The following KLHL25 variants were observed in gnomAD, a reference collection of about 807,000 sequenced individuals.
KLHL25 encodes kelch like family member 25, also known as kelch-like protein 25.
In KLHL25, 41 loss-of-function variants were observed where a neutral mutation model predicts 30.0. The ratio of observed to expected loss-of-function variants is 1.37; its 90% CI spans 1.07 to 1.78. The LOEUF (loss-of-function observed/expected upper bound fraction) is 1.78, where lower values mean the gene tolerates loss of function less well. KLHL25 is among the 40% of genes most tolerant of loss of function. KLHL25 has a pLI of 0.00. For missense variants in KLHL25, 971 were observed against 824.5 expected (o/e 1.18, Z -2.18); for synonymous variants, 399 against 355.3 (o/e 1.12, Z -1.38).
chr15:85,786,419 G>A (rs2089781630), intron 1 of KLHL25, among the ~76,000 whole-genome samples: 1 of 152,216 alleles, frequency 6.6e-6, no homozygotes, highest in Admixed American at 6.5e-5. Flanking sequence ...CCCAGGCCAT[G>A]GTCAGCAGTT....
Position 85,769,761 on chromosome 15 carries a change from G to C in KLHL25, c.50C>G (p.Ser17Cys). ...CTTGTGGAAGAGGGTGACGTTCATG[G>C]ACCCCGTGCTGCTCCGCGACTTGCG... ...ETRKSRSSTG[S>C]MNVTLFHKAS... Residue 17 changes from serine (S) to cysteine (C), a missense_variant, in exon 2 of 3, where the codon TCC becomes TGC. By Grantham distance (112) the Ser-to-Cys change is moderately radical. Transcript: ENST00000337975. 6.2e-7 allele frequency: 1 copy of C among 1,613,338 alleles called. No individual in the cohort carries two copies. Among genetic ancestry groups the C allele is most frequent in the Non-Finnish European group, 8.5e-7 (1 of 1,180,014 alleles).
chr15:85,775,758 C>T (rs1350966055), intron 1 of KLHL25, among the ~76,000 whole-genome samples: 2 of 151,422 alleles, frequency 1.3e-5, no homozygotes, highest in African/African-American at 4.8e-5. Context: ...AGGTAGGATG[C>T]ACCAGCCACC....
intron 1 of KLHL25, among the ~76,000 whole-genome samples, chr15:85,790,012 T>A (rs2089806386): frequency 6.6e-6 from 1 of 152,070 alleles, no homozygotes; most frequent in African/African-American, 2.4e-5. Flanking sequence ...AAAAACTAGA[T>A]CCCAGAGAAA....
chr15:85,782,048 C>G (rs2089746850), intron 1 of KLHL25, among the ~76,000 whole-genome samples: 1 of 151,178 alleles, frequency 6.6e-6, no homozygotes, highest in Non-Finnish European at 1.5e-5. Flanking sequence ...CCTCATCCTT[C>G]TCCAAAAAAA....
rs760483012 is a variant in KLHL25, at chr15:85,768,451, T to C, written c.1360A>G (p.Ile454Val). 6 of 1,613,378 alleles carry C rather than the reference T, an allele frequency of 3.7e-6. No individual in the cohort carries two copies. The highest frequency in any genetic ancestry group is 3.4e-6 in the Non-Finnish European group (4 of 1,179,852). The part of the protein sequence containing the change: ...LKLFVFGGTS[I>V]HRDMVSKVQC... ...ACCTTGGACACCATGTCCCGGTGGA[T>C]GCTGGTTCCTCCGAAAACAAAGAGC... Residue 454 changes from isoleucine to valine, a missense_variant, in exon 2 of 3, where the codon ATC becomes GTC. Physicochemically the swap from Ile to Val is conservative, Grantham distance 29 (BLOSUM62 3). Coordinates refer to ENST00000337975, the MANE Select transcript of KLHL25 (RefSeq NM_022480.4).
intron 1 of KLHL25, among the ~76,000 whole-genome samples, chr15:85,786,289 C>A (rs766529718): frequency 2.0e-5 from 3 of 152,174 alleles, no homozygotes; most frequent in Non-Finnish European, 4.4e-5. Flanking sequence ...AAGCTTGGTT[C>A]TGAGTCATCT....
chr15:85,794,452 G>A (rs1208692054), intron 1 of KLHL25, among the ~76,000 whole-genome samples: 2 of 152,256 alleles, frequency 1.3e-5, no homozygotes, highest in African/African-American at 4.8e-5. Context: ...CGGACTCAAT[G>A]AATCAACCAC....
chr15:85,765,542 C>G (rs935262998), intron 2 of KLHL25, among the ~76,000 whole-genome samples: 39 of 150,802 alleles, frequency 2.6e-4, no homozygotes, highest in African/African-American at 9.5e-4. Flanking sequence ...AGGAGAATCG[C>G]TTGAACCCAG....
intron 1 of KLHL25, among the ~76,000 whole-genome samples, chr15:85,783,543 T>C (rs2089759001): frequency 1.3e-5 from 2 of 151,780 alleles, no homozygotes; most frequent in Non-Finnish European, 1.5e-5. Context: ...AATAGAAAAA[T>C]TAGACAGGCT....
intron 2 of KLHL25, among the ~76,000 whole-genome samples, chr15:85,766,016 G>A (rs576722039): frequency 6.6e-6 from 1 of 152,278 alleles, no homozygotes; most frequent in South Asian, 2.1e-4. Context: ...CTGAGTTAGA[G>A]GCTGAGCCAT....
chr15:85,790,075 C>T (rs1257776901), intron 1 of KLHL25, among the ~76,000 whole-genome samples: 2 of 152,304 alleles, frequency 1.3e-5, no homozygotes, highest in South Asian at 2.1e-4. Flanking sequence ...GGAACTAGAA[C>T]CCCATTCCTG....
At position 85,768,360 on chromosome 15, in the gene KLHL25, T is replaced by C; in HGVS notation, c.1451A>G (p.Tyr484Cys). The C allele has an allele frequency of 1.2e-6, 2 of 1,613,748 alleles. No homozygotes were observed. The highest frequency in any genetic ancestry group is 8.5e-7 in the Non-Finnish European group (1 of 1,180,038). The part of the protein sequence containing the change: ...IKAECPQPWR[Y>C]TAAAVLGSQI... The stretch of plus-strand genomic sequence containing the variant: ...GCTGCCCAGGACGGCAGCGGCTGTG[T>C]ACCGCCAAGGCTGGGGGCACTCGGC... Residue 484 changes from tyrosine (Y) to cysteine (C), a missense_variant, in exon 2 of 3, where the codon TAC becomes TGC. Transcript: ENST00000337975.
Position 85,784,712 on chromosome 15 carries a change from G to C in KLHL25, c.-11+10054C>G, listed in dbSNP as rs893994230. On this transcript the variant is annotated intron_variant, in intron 1 of 2. Coordinates refer to ENST00000337975, the MANE Select transcript of KLHL25 (RefSeq NM_022480.4). ...AAATGGGGACTGACCTCAGTCCTAC[G>C]ACCATAAGGAACTCGATTCTGCCAA... 2.6e-5 allele frequency among the ~76,000 whole-genome samples: 4 copies of C among 152,026 alleles called. 1 individual carries two copies. Among genetic ancestry groups the C allele is most frequent in the Non-Finnish European group, 5.9e-5 (4 of 68,016 alleles).
At chr15:85,764,967 G>C (rs942140366) in intron 2 of KLHL25, among the ~76,000 whole-genome samples, 2 of 152,242 alleles carry the variant, frequency 1.3e-5, no homozygotes, top group African/African-American at 4.8e-5. Flanking sequence ...CAGGGTCCCT[G>C]GGATCAGAGC....
chr15:85,776,932 AT>A (rs1261590153), intron 1 of KLHL25, among the ~76,000 whole-genome samples: 16 of 149,754 alleles, frequency 1.1e-4, no homozygotes, highest in Non-Finnish European at 1.5e-4. Context: ...CTCAAAAAAA[AT>A]AAATAAATAA....
chr15:85,761,850 T>C (rs566468061), intron 2 of KLHL25: 6 of 152,370 alleles, frequency 3.9e-5, no homozygotes, highest in Admixed American at 6.5e-5. Flanking sequence ...GCTTTGGTTG[T>C]ATTTAAGCTG....
In KLHL25 at chr15:85,759,509, C is replaced by T. The variant is rs1401434083; in HGVS notation, c.*1527G>A. The T allele has an allele frequency of 6.6e-6, 1 of 152,384 alleles. No homozygotes were observed. Among genetic ancestry groups the T allele is most frequent in the African/African-American group, 2.4e-5 (1 of 41,462 alleles). The allele number at this position is 152,384 out of a possible 1,614,324, so 9.4% of individuals were successfully genotyped here. A position where few individuals can be genotyped will look rare whatever the true frequency, so the allele number is the denominator to read the frequency against. On this transcript the variant is annotated 3_prime_UTR_variant, in exon 3 of 3. Transcript: ENST00000337975. ...AGGCTCCTGAGTGTGCCAGCAGAGC[C>T]GTCCCCTGGGACCACAGCCAAGTGC...
intron 1 of KLHL25, among the ~76,000 whole-genome samples, chr15:85,773,409 G>A (rs1303276050): frequency 6.6e-6 from 1 of 152,234 alleles, no homozygotes; most frequent in Non-Finnish European, 1.5e-5. Context: ...CACCTGACAT[G>A]TGGTAAACGC....
chr15:85,787,684 T>G (rs2089789475), intron 1 of KLHL25, among the ~76,000 whole-genome samples: 1 of 152,158 alleles, frequency 6.6e-6, no homozygotes, highest in Admixed American at 6.5e-5. Context: ...AAATGATGGT[T>G]TGGCTGCAGT....
Sources: allele counts gnomAD v4.1 joint callset (sites outside exome capture counted in the v4.1 genomes callset), GRCh38; gene constraint gnomAD v4.1.1; transcripts MANE v1.5; gene names NCBI Gene and HGNC (gene_info 2026-07-23, HGNC 2026-07-21).